Variants in RBFOX1 observed in about 807,000 individuals in gnomAD.
RBFOX1 encodes the protein RNA binding protein fox-1 homolog 1.
In RBFOX1, 8 loss-of-function variants were observed where a neutral mutation model predicts 57.7. That is an observed-to-expected ratio of 0.14 (90% CI 0.08 to 0.25). The LOEUF is 0.25. Among genes scored for constraint, RBFOX1 ranks in the 10% least tolerant of loss-of-function variants. RBFOX1 has a pLI of 1.00. For synonymous variants in RBFOX1, 326 were observed against 222.4 expected (o/e 1.47, Z -4.15); for missense variants, 611 against 548.5 (o/e 1.11, Z -1.14).
intron 4 of RBFOX1, among the ~76,000 whole-genome samples, chr16:7,456,821 C>G (rs971605891): frequency 1.3e-5 from 2 of 152,184 alleles, no homozygotes; most frequent in Middle Eastern, 3.4e-3. Context: ...GCCCTGAGCC[C>G]TGGAGCAGGG....
intron 1 of RBFOX1, among the ~76,000 whole-genome samples, chr16:6,086,078 GT>G (rs1314151634): frequency 6.6e-6 from 1 of 152,030 alleles, no homozygotes; most frequent in African/African-American, 2.4e-5. Flanking sequence ...GTGGTGTTTG[GT>G]TTTCTGTTCC....
At chr16:5,766,706 C>T (rs1015344088) in intron 3 of RBFOX1, among the ~76,000 whole-genome samples, 4 of 152,138 alleles carry the variant, frequency 2.6e-5, no homozygotes, top group Non-Finnish European at 5.9e-5. Context: ...CACCTGGCCC[C>T]ACCTCCAATG....
At chr16:6,913,111 C>G (rs576004892) in intron 3 of RBFOX1, among the ~76,000 whole-genome samples, 10 of 152,282 alleles carry the variant, frequency 6.6e-5, no homozygotes, top group Admixed American at 5.2e-4. Context: ...TGTCCACCCA[C>G]CAGGCCGCTG....
intron 1 of RBFOX1, among the ~76,000 whole-genome samples, chr16:6,249,112 C>G (rs887242019): frequency 6.6e-6 from 1 of 152,148 alleles, no homozygotes; most frequent in Non-Finnish European, 1.5e-5. Context: ...CACTCCCCTC[C>G]CCACCAACCT....
chr16:6,444,914 T>G (rs932605129), intron 2 of RBFOX1, among the ~76,000 whole-genome samples: 1 of 152,132 alleles, frequency 6.6e-6, no homozygotes, highest in African/African-American at 2.4e-5. Context: ...GGTTTTCGTT[T>G]TCTATGGGTT....
At chr16:7,309,766 A>G in intron 4 of RBFOX1, among the ~76,000 whole-genome samples, 1 of 152,184 alleles carries the variant, frequency 6.6e-6, no homozygotes, top group Non-Finnish European at 1.5e-5. Flanking sequence ...AAATTGCAGC[A>G]TTGTAAACAA....
chr16:7,653,797 T>TCTCTCCTCTTG lies in RBFOX1; in HGVS notation c.758-15_758-14insTCCTCTTGCTC. The TCTCTCCTCTTG allele has an allele frequency of 6.2e-7, 1 of 1,607,622 alleles. No homozygotes were observed. Among genetic ancestry groups the TCTCTCCTCTTG allele is most frequent in the Non-Finnish European group, 8.5e-7 (1 of 1,179,446 alleles). ...TGACAGCCTGTGCTCTCTCTCTCTC[T>TCTCTCCTCTTG]CTCCTCTTGCCCCGCAGTGCCAGGC... On this transcript the variant is annotated splice_polypyrimidine_tract_variant and intron_variant, in intron 11 of 15. Transcript: ENST00000550418.
At chr16:7,397,146 T>C (rs1028165063) in intron 4 of RBFOX1, among the ~76,000 whole-genome samples, 2 of 152,184 alleles carry the variant, frequency 1.3e-5, no homozygotes, top group African/African-American at 4.8e-5. Flanking sequence ...GTGCACTGAA[T>C]TGTAAGATCT....
chr16:5,950,886 T>G (rs2059506307), intron 4 of RBFOX1, among the ~76,000 whole-genome samples: 1 of 151,886 alleles, frequency 6.6e-6, no homozygotes, highest in Non-Finnish European at 1.5e-5. Context: ...GGAGATGGCA[T>G]TATGGGGGAG....
At chr16:5,390,797 C>A (rs539236908) in intron 1 of RBFOX1, among the ~76,000 whole-genome samples, 2 of 152,238 alleles carry the variant, frequency 1.3e-5, no homozygotes, top group South Asian at 4.2e-4. Context: ...AAAGCTGACT[C>A]GTCTCCTCAC....
At chr16:6,725,971 A>G (rs566163479) in intron 3 of RBFOX1, among the ~76,000 whole-genome samples, 2 of 152,314 alleles carry the variant, frequency 1.3e-5, no homozygotes, top group African/African-American at 4.8e-5. Flanking sequence ...TTTATGTTAA[A>G]TAATAACACT....
chr16:6,457,125 G>T (rs1215398243), intron 2 of RBFOX1, among the ~76,000 whole-genome samples: 1 of 152,092 alleles, frequency 6.6e-6, no homozygotes, highest in Non-Finnish European at 1.5e-5. Context: ...AGAATGAAAA[G>T]AAAAGAAAAT....
At chr16:7,374,794 T>C (rs2097653221) in intron 4 of RBFOX1, among the ~76,000 whole-genome samples, 2 of 152,226 alleles carry the variant, frequency 1.3e-5, no homozygotes, top group Non-Finnish European at 2.9e-5. Context: ...CAACCTAGAG[T>C]TACCGCCATG....
intron 4 of RBFOX1, among the ~76,000 whole-genome samples, chr16:5,973,343 C>G (rs566516744): frequency 2.0e-5 from 3 of 152,276 alleles, no homozygotes; most frequent in South Asian, 2.1e-4. Flanking sequence ...ACTCTATTCC[C>G]TGACCACTCT....
At chr16:7,006,873 C>T (rs1307973697) in intron 3 of RBFOX1, among the ~76,000 whole-genome samples, 5 of 152,232 alleles carry the variant, frequency 3.3e-5, no homozygotes, top group African/African-American at 1.2e-4. Flanking sequence ...CATTTTCTGT[C>T]TGAGCCTTTG....
intron 1 of RBFOX1, among the ~76,000 whole-genome samples, chr16:5,271,456 G>A (rs1351860231): frequency 3.3e-5 from 5 of 152,272 alleles, no homozygotes; most frequent in East Asian, 1.9e-4. Context: ...GGATCCTGCT[G>A]TTCAGCCTGG....
chr16:5,472,240 C>T (rs1424810178), intron 2 of RBFOX1, among the ~76,000 whole-genome samples: 1 of 152,142 alleles, frequency 6.6e-6, no homozygotes, highest in African/African-American at 2.4e-5. Flanking sequence ...TCCAGAGCTT[C>T]CACCCACGAG....
At chr16:7,612,839 A>G (rs776578412) in intron 10 of RBFOX1, among the ~76,000 whole-genome samples, 1 of 152,178 alleles carries the variant, frequency 6.6e-6, no homozygotes, top group Non-Finnish European at 1.5e-5. Context: ...CCCACGTTGT[A>G]TATCATATCT....
intron 3 of RBFOX1, among the ~76,000 whole-genome samples, chr16:6,867,214 C>T (rs536029361): frequency 1.3e-5 from 2 of 151,872 alleles, no homozygotes; most frequent in East Asian, 1.9e-4. Context: ...CTATATAAGT[C>T]TTTCTGTAGG....
Sources: allele counts gnomAD v4.1 joint callset (sites outside exome capture counted in the v4.1 genomes callset), GRCh38; gene constraint gnomAD v4.1.1; transcripts MANE v1.5; gene names NCBI Gene and HGNC (gene_info 2026-07-23, HGNC 2026-07-21).